The following ACAT2 variants were observed in gnomAD, a reference collection of about 807,000 sequenced individuals.
The protein encoded by ACAT2 is acetyl-CoA acetyltransferase, cytosolic.
Under a neutral mutation model 37.1 loss-of-function variants are expected in ACAT2, and 26 were observed. The observed-to-expected ratio is 0.70, with a 90% CI of 0.51 to 0.97. The LOEUF (loss-of-function observed/expected upper bound fraction) is 0.97. Among genes scored for constraint, ACAT2 ranks in the 50% least tolerant of loss-of-function variants. ACAT2 has a pLI of 0.00. For synonymous variants in ACAT2, 156 were observed against 163.6 expected (o/e 0.95, Z 0.35); for missense variants, 468 against 489.0 (o/e 0.96, Z 0.40).
intron 4 of ACAT2, among the ~76,000 whole-genome samples, chr6:159,771,733 A>G (rs76283599): frequency 0.019 from 2,863 of 151,908 alleles, 102 homozygotes; most frequent in African/African-American, 0.065. Context: ...ACACTACAAG[A>G]AATACTAAAG....
intron 1 of ACAT2, chr6:159,762,381 G>A (rs1583120580): frequency 2.2e-6 from 3 of 1,358,768 alleles, no homozygotes; most frequent in Non-Finnish European, 2.9e-6. Context: ...ATTGGCTCCC[G>A]GGGTAGAGCC....
At chr6:159,775,129 C>G (rs181382189) in intron 4 of ACAT2, 41 bp from the exon 5 acceptor site, 1 of 1,607,982 alleles carries the variant, frequency 6.2e-7, no homozygotes, top group Admixed American at 1.7e-5. Context: ...AATGCCAGTT[C>G]ATGAAAATGT....
intron 7 of ACAT2, 53 bp from the exon 8 acceptor site, chr6:159,778,111 GTTTAAC>G: frequency 8.6e-7 from 1 of 1,168,712 alleles, no homozygotes; most frequent in Non-Finnish European, 1.3e-6. Flanking sequence ...ACAAAGAATG[GTTTAAC>G]TTTAGCCTTT....
chr6:159,777,572 T>C (rs967312080), intron 7 of ACAT2, 116 bp downstream of exon 7: 20 of 1,245,632 alleles, frequency 1.6e-5, no homozygotes, highest in Non-Finnish European at 2.1e-5. Flanking sequence ...AGAGCATTTA[T>C]TTCTATTTTT....
rs780126411 is a variant in ACAT2 at position 159,762,896 on chromosome 6, C to T, written c.56-23C>T. 4 of 1,605,676 alleles carry T rather than the reference C, an allele frequency of 2.5e-6. No individual in the cohort carries two copies. The South Asian group carries it at 4.4e-5, about 18-fold the overall frequency. ...ATTACCCGCAGGCTTGTGATGTCCA[C>T]GCTCTCCGCCTTTCTATTGTAGGTT... On this transcript the variant is annotated intron_variant, in intron 1 of 8. Coordinates refer to ENST00000367048, the MANE Select transcript of ACAT2 (RefSeq NM_005891.3).
intron 2 of ACAT2, 122 bp from the exon 3 acceptor site, chr6:159,766,883 T>TA: frequency 8.2e-7 from 1 of 1,219,386 alleles, no homozygotes; most frequent in South Asian, 1.4e-5. Flanking sequence ...AGTGGGCACT[T>TA]ACTTGACCTG....
In ACAT2 at chr6:159,778,648, TCCC is replaced by T; in HGVS notation, c.1024-8_1024-6del. On this transcript the variant is annotated splice_polypyrimidine_tract_variant and splice_region_variant and intron_variant, in intron 8 of 8. Coordinates refer to ENST00000367048, the MANE Select transcript of ACAT2 (RefSeq NM_005891.3). ...AAGAATAAACAATCTAAATCTTTTC[TCCC>T]CCGTTAGGTCAATATTGAAGGAGGG... 1.2e-6 allele frequency: 2 copies of T among 1,612,462 alleles called. No homozygotes were observed. Among genetic ancestry groups the T allele is most frequent in the African/African-American group, 2.7e-5 (2 of 74,972 alleles).
At chr6:159,763,628 C>CTTTTT (rs1491465110) in intron 2 of ACAT2, among the ~76,000 whole-genome samples, 3 of 104,056 alleles carry the variant, frequency 2.9e-5, no homozygotes, top group Non-Finnish European at 4.0e-5. Flanking sequence ...CTTTTCTTTT[C>CTTTTT]CTTTTTTTTT....
chr6:159,774,229 C>T (rs938005126), intron 4 of ACAT2, among the ~76,000 whole-genome samples: 2 of 152,170 alleles, frequency 1.3e-5, no homozygotes, highest in Non-Finnish European at 2.9e-5. Flanking sequence ...TGACCCTTAA[C>T]AAAAGAACTC....
At position 159,762,914 on chromosome 6, in the gene ACAT2, T is replaced by C. The variant is rs1424034077; in HGVS notation, c.56-5T>C. ...ATGTCCACGCTCTCCGCCTTTCTAT[T>C]GTAGGTTCCTTCAATGGTGCCTTAG... On this transcript the variant is annotated splice_region_variant and splice_polypyrimidine_tract_variant and intron_variant, in intron 1 of 8. Transcript: ENST00000367048. The C allele has an allele frequency of 6.8e-6, 11 of 1,610,334 alleles. No individual in the cohort carries two copies. The African/African-American group carries it at 9.4e-5, about 14-fold the overall frequency.
chr6:159,763,107 C>G, intron 2 of ACAT2, 54 bp downstream of exon 2: 12 of 963,692 alleles, frequency 1.2e-5, no homozygotes, highest in Non-Finnish European at 1.3e-5. Context: ...AGCCCATAAA[C>G]ACACACACAC....
At chr6:159,762,384 G>A (rs1780159747) in intron 1 of ACAT2, 1 of 1,367,292 alleles carries the variant, frequency 7.3e-7, no homozygotes, top group South Asian at 1.5e-5. Context: ...GGCTCCCGGG[G>A]TAGAGCCATC....
At chr6:159,767,226 A>G in intron 3 of ACAT2, 40 bp downstream of exon 3, 2 of 1,600,098 alleles carry the variant, frequency 1.2e-6, no homozygotes, top group Non-Finnish European at 8.6e-7. Context: ...CTGACCTCAC[A>G]CTGAGAAACT....
chr6:159,763,876 C>T (rs932093416), intron 2 of ACAT2, among the ~76,000 whole-genome samples: 11 of 151,718 alleles, frequency 7.3e-5, no homozygotes, highest in Non-Finnish European at 1.5e-4. Context: ...CCGAGGTGGG[C>T]GGATCATGAG....
intron 2 of ACAT2, among the ~76,000 whole-genome samples, chr6:159,765,501 G>A (rs1780240227): frequency 6.6e-6 from 1 of 151,620 alleles, no homozygotes; most frequent in Non-Finnish European, 1.5e-5. Context: ...GTACAATCTC[G>A]GCTCACTGCA....
chr6:159,774,566 AGCAG>A (rs1235160942), intron 4 of ACAT2, among the ~76,000 whole-genome samples: 2 of 152,116 alleles, frequency 1.3e-5, no homozygotes, highest in Non-Finnish European at 2.9e-5. Flanking sequence ...CAGCCTCCCA[AGCAG>A]CTAGGACTAC....
At chr6:159,770,557 A>C (rs536346366) in intron 4 of ACAT2, among the ~76,000 whole-genome samples, 2 of 152,164 alleles carry the variant, frequency 1.3e-5, no homozygotes, top group South Asian at 4.1e-4. Flanking sequence ...CGCACCTGTA[A>C]TCCCAGCACC....
chr6:159,777,538 C>T (rs1034029738), intron 7 of ACAT2, 82 bp downstream of exon 7: 3 of 1,396,568 alleles, frequency 2.1e-6, no homozygotes, highest in Admixed American at 5.2e-5. Flanking sequence ...TAGCTCTAGT[C>T]TTTCCCTACC....
At position 159,775,299 on chromosome 6, in the gene ACAT2, T is replaced by G. The variant is rs778781131; in HGVS notation, c.620T>G (p.Val207Gly). 1 of 1,614,182 alleles carries G rather than the reference T, an allele frequency of 6.2e-7. No homozygotes were observed. Among genetic ancestry groups the G allele is most frequent in the South Asian group, 1.1e-5 (1 of 91,082 alleles). ...HFDKEIVPVL[V>G]STRKGLIEVK... ...GACAAAGAGATTGTACCAGTTTTGG[T>G]GTCAACTAGAAAAGGTGAGTATATC... The change falls in exon 5 of 9, where the codon GTG becomes GGG. Residue 207 changes from valine (V) to glycine (G), a missense_variant. Val to Gly is a moderately radical substitution (Grantham distance 109). Coordinates refer to ENST00000367048, the MANE Select transcript of ACAT2 (RefSeq NM_005891.3).
Sources: gnomAD v4.1 joint callset for allele counts (sites outside exome capture counted in the v4.1 genomes callset) on GRCh38, gnomAD v4.1.1 for gene constraint, MANE v1.5 for transcripts, NCBI Gene and HGNC (gene_info 2026-07-23, HGNC 2026-07-21) for gene names.